Variants in CASQ2 observed in about 807,000 individuals in gnomAD.
CASQ2 encodes calsequestrin-2.
CASQ2 carries 49 observed loss-of-function variants against 46.5 expected under a neutral mutation model. That is an observed-to-expected ratio of 1.05 (90% CI 0.84 to 1.34). The LOEUF is 1.34. Ranked by LOEUF, CASQ2 falls within the 40% of genes most tolerant of loss-of-function variation. The pLI, the probability that CASQ2 is intolerant of heterozygous loss-of-function variation, is 0.00. For missense variants in CASQ2, 486 were observed against 481.3 expected (o/e 1.01, Z -0.09); for synonymous variants, 174 against 168.5 (o/e 1.03, Z -0.25).
Position 115,761,517 on chromosome 1 carries a change from GAAGAAGAAGAA to G in CASQ2, c.234+6780_234+6790del, listed in dbSNP as rs1215651512. Among the ~76,000 whole-genome samples, 19 of 108,432 alleles carry G rather than the reference GAAGAAGAAGAA, an allele frequency of 1.8e-4. 2 individuals carry two copies. Among genetic ancestry groups the G allele is most frequent in the East Asian group, 7.5e-4 (2 of 2,676 alleles). The allele number at this position is 108,432 out of a possible 152,430, so 71.1% of individuals were successfully genotyped here. ...AGAAGGAGAAGAAGAAGAAGAAGAA[GAAGAAGAAGAA>G]GAGTTCATAAAGTGCACATGAGTCT... On this transcript the variant is annotated intron_variant, in intron 1 of 10. Transcript: ENST00000261448.
Position 115,720,693 on chromosome 1 carries a change from C to A in CASQ2, c.784-2799G>T, listed in dbSNP as rs76031097. On this transcript the variant is annotated intron_variant, in intron 7 of 10. Coordinates refer to ENST00000261448, the MANE Select transcript of CASQ2 (RefSeq NM_001232.4). ...ATTTGGGAATAACGTCAGTGAATCCCTTCCTTTGGATACCCCAGCACTTTG... is the reference window on the plus strand; with the variant it reads ...ATTTGGGAATAACGTCAGTGAATCCATTCCTTTGGATACCCCAGCACTTTG... Among the ~76,000 whole-genome samples the A allele has an allele frequency of 5.8e-3, 886 of 152,294 alleles. 12 individuals carry two copies. Among genetic ancestry groups the A allele is most frequent in the African/African-American group, 0.02 (840 of 41,570 alleles).
Position 115,768,306 on chromosome 1 carries a change from A to C in CASQ2, c.234+2T>G. The stretch of plus-strand genomic sequence containing the variant: ...CAGACAGCATGCCCTTTGGTTACTT[A>C]CCTCAAGCACGATTTCTTTCAGTTG... On this transcript the variant is annotated splice_donor_variant, in intron 1 of 10. Coordinates refer to ENST00000261448, the MANE Select transcript of CASQ2 (RefSeq NM_001232.4). LOFTEE classifies it high-confidence loss of function. 6.2e-7 allele frequency: 1 copy of C among 1,602,642 alleles called. No homozygotes were observed. The highest frequency in any genetic ancestry group is 1.3e-5 in the African/African-American group (1 of 74,676).
chr1:115,719,294 G>A (rs1344809805), intron 7 of CASQ2, among the ~76,000 whole-genome samples: 1 of 152,172 alleles, frequency 6.6e-6, no homozygotes, highest in Non-Finnish European at 1.5e-5. Flanking sequence ...ACCAGAAGGG[G>A]AGTCTGAGGT....
chr1:115,709,190 CA>C (rs532907918), intron 8 of CASQ2, among the ~76,000 whole-genome samples: 2 of 95,620 alleles, frequency 2.1e-5, no homozygotes, highest in African/African-American at 5.1e-5. Flanking sequence ...GTTACAAGTT[CA>C]ATTTTTTTCC....
intron 8 of CASQ2, 48 bp downstream of exon 8, chr1:115,717,792 A>G (rs371170061): frequency 1.9e-5 from 26 of 1,369,036 alleles, no homozygotes; most frequent in Non-Finnish European, 2.2e-5. Context: ...AAAGGTGAGA[A>G]ATCAGTTCTT....
At chr1:115,751,463 T>G (rs1040999292) in intron 1 of CASQ2, among the ~76,000 whole-genome samples, 1 of 151,564 alleles carries the variant, frequency 6.6e-6, no homozygotes, top group Non-Finnish European at 1.5e-5. Flanking sequence ...GGTCAGGAGA[T>G]AGAGATCATC....
chr1:115,749,937 C>T (rs1648520453), intron 1 of CASQ2, among the ~76,000 whole-genome samples: 1 of 152,214 alleles, frequency 6.6e-6, no homozygotes. Flanking sequence ...ACTCAAAAAG[C>T]CCCTCACAAG....
At chr1:115,722,989 A>T (rs1647434623) in intron 7 of CASQ2, among the ~76,000 whole-genome samples, 4 of 152,188 alleles carry the variant, frequency 2.6e-5, no homozygotes, top group Admixed American at 2.6e-4. Context: ...CAGAGGCTGC[A>T]GTGAGCCAAG....
At chr1:115,759,682 A>G (rs1053836447) in intron 1 of CASQ2, among the ~76,000 whole-genome samples, 3 of 152,232 alleles carry the variant, frequency 2.0e-5, no homozygotes, top group African/African-American at 7.2e-5. Flanking sequence ...ATTTCTATTC[A>G]GGTGTTCACT....
chr1:115,728,794 A>G (rs547262720), intron 5 of CASQ2, among the ~76,000 whole-genome samples: 3 of 152,202 alleles, frequency 2.0e-5, no homozygotes, highest in African/African-American at 7.2e-5. Flanking sequence ...TGTCAGGATC[A>G]TATATCTGGA....
chr1:115,732,727 T>G (rs539426158), intron 5 of CASQ2, among the ~76,000 whole-genome samples, 174 bp downstream of exon 5: 1 of 152,238 alleles, frequency 6.6e-6, no homozygotes, highest in African/African-American at 2.4e-5. Context: ...TAGTCATCTT[T>G]GTACTCATCT....
At chr1:115,709,496 GA>G (rs1654474453) in intron 8 of CASQ2, among the ~76,000 whole-genome samples, 1 of 152,178 alleles carries the variant, frequency 6.6e-6, no homozygotes, top group Non-Finnish European at 1.5e-5. Context: ...ACTGTATAGA[GA>G]AAAGGGGGAA....
chr1:115,760,809 G>A (rs919401084), intron 1 of CASQ2, among the ~76,000 whole-genome samples: 1 of 152,190 alleles, frequency 6.6e-6, no homozygotes, highest in African/African-American at 2.4e-5. Flanking sequence ...AAAAGTTCAA[G>A]TGACTAGTGA....
In CASQ2 at chr1:115,700,813, A is replaced by G; in HGVS notation, c.*428T>C. On this transcript the variant is annotated 3_prime_UTR_variant, in exon 11 of 11. Coordinates refer to ENST00000261448, the MANE Select transcript of CASQ2 (RefSeq NM_001232.4). ...TATGGAGGGAGCTAAATCATTAATC[A>G]TGTGTCTTCCCTGGGCTCTGATTAA... is the stretch of plus-strand genomic sequence containing the variant. 1 of 510,858 alleles carries G rather than the reference A, an allele frequency of 2.0e-6. No individual in the cohort carries two copies. 31.6% of individuals were successfully genotyped at this position (510,858 alleles called of 1,614,324 possible).
At chr1:115,733,013 A>G (rs753194494) in intron 4 of CASQ2, 39 bp from the exon 5 acceptor site, 2 of 1,402,092 alleles carry the variant, frequency 1.4e-6, no homozygotes, top group East Asian at 4.6e-5. Context: ...AGACATTTTC[A>G]AGATGAACAC....
rs78765093 is a variant in CASQ2 at position 115,741,106 on chromosome 1, G to A, written c.320-278C>T. 1.0e-2 allele frequency among the ~76,000 whole-genome samples: 1,517 copies of A among 152,308 alleles called. 28 individuals carry two copies. The highest frequency in any genetic ancestry group is 0.033 in the African/African-American group (1,390 of 41,558). The stretch of plus-strand genomic sequence containing the variant: ...ACTGCTTTAGTTTTCCAAAAATACA[G>A]CTGATCCCATGTCATTCTCTTTATC... On this transcript the variant is annotated intron_variant, in intron 2 of 10. Transcript: ENST00000261448.
chr1:115,745,378 C>T (rs1308531659), intron 1 of CASQ2, among the ~76,000 whole-genome samples: 1 of 52,892 alleles, frequency 1.9e-5, no homozygotes, highest in African/African-American at 3.5e-5. Context: ...TCCCCCACTC[C>T]TGGGCTTGTG....
chr1:115,703,921 A>C (rs887729420), intron 9 of CASQ2, among the ~76,000 whole-genome samples: 1 of 144,362 alleles, frequency 6.9e-6, no homozygotes, highest in Admixed American at 7.1e-5. Context: ...CAAAAAAAAA[A>C]AACAAAAAAA....
At chr1:115,743,114 T>C (rs1156955194) in intron 2 of CASQ2, among the ~76,000 whole-genome samples, 1 of 152,170 alleles carries the variant, frequency 6.6e-6, no homozygotes, top group African/African-American at 2.4e-5. Context: ...GAGTTTAACA[T>C]ATTTTGCTCC....
Sources: allele counts gnomAD v4.1 joint callset (sites outside exome capture counted in the v4.1 genomes callset), GRCh38; gene constraint gnomAD v4.1.1; transcripts MANE v1.5; gene names NCBI Gene and HGNC (gene_info 2026-07-23, HGNC 2026-07-21).